The following CDYL2 variants were observed in gnomAD, a reference collection of about 807,000 sequenced individuals.
CDYL2 encodes chromodomain Y like 2.
A neutral mutation model predicts 49.4 loss-of-function variants in CDYL2; 23 were observed. The ratio of observed to expected loss-of-function variants is 0.47; its 90% CI spans 0.34 to 0.66. The LOEUF (loss-of-function observed/expected upper bound fraction) is 0.66. Among genes scored for constraint, CDYL2 ranks in the 30% least tolerant of loss-of-function variants. The probability of loss-of-function intolerance (pLI) is 0.01; values close to 1 mark genes in which losing one functional copy is unlikely to be tolerated. For missense variants in CDYL2, 678 were observed against 656.4 expected (o/e 1.03, Z -0.36); for synonymous variants, 360 against 268.8 (o/e 1.34, Z -3.32).
chr16:80,790,185 A>G (rs1907565374), intron 1 of CDYL2, among the ~76,000 whole-genome samples: 1 of 152,236 alleles, frequency 6.6e-6, no homozygotes, highest in South Asian at 2.1e-4. Context: ...GGTTACTCCA[A>G]GAGATTACAC....
At chr16:80,619,059 C>T (rs142214219) in intron 4 of CDYL2, among the ~76,000 whole-genome samples, 2,467 of 152,248 alleles carry the variant, frequency 0.016, 25 homozygotes, top group Non-Finnish European at 0.023. Flanking sequence ...TGTCAGGCCT[C>T]GCTCCCAGTT....
intron 1 of CDYL2, among the ~76,000 whole-genome samples, chr16:80,785,010 A>G (rs1907388980): frequency 6.6e-6 from 1 of 152,182 alleles, no homozygotes; most frequent in Admixed American, 6.5e-5. Flanking sequence ...TACACAGGGA[A>G]GAAAACGGGG....
At position 80,705,356 on chromosome 16, in the gene CDYL2, G is replaced by A. The variant is rs192829694; in HGVS notation, c.25-20227C>T. Among the ~76,000 whole-genome samples, 110 of 152,352 alleles carry A rather than the reference G, an allele frequency of 7.2e-4. 2 individuals are homozygous for A. In the Middle Eastern group the frequency reaches 0.034, roughly 47 times the overall value. On this transcript the variant is annotated intron_variant, in intron 1 of 6. Coordinates refer to ENST00000570137, the MANE Select transcript of CDYL2 (RefSeq NM_152342.4). Reference sequence around the variant, plus strand: ...AGGCCACTTTTGAAGAACTATGAGCGATGCTAGAGTCCTAATGTCATCCAG... The same window carrying A: ...AGGCCACTTTTGAAGAACTATGAGCAATGCTAGAGTCCTAATGTCATCCAG...
rs752769233 is a variant in CDYL2, at chr16:80,620,840, G to A, written c.930C>T (p.Gly310=). ...LSAVGSVFCS[G]LDYSYLIGRL... is the part of the protein sequence containing the mutation. ...GGCCAATTAGGTAGGAATAATCCAG[G>A]CCGCTGCAGAACACGCTCCCCACTG... Residue 310 remains glycine (G), a synonymous_variant, in exon 4 of 7, where the codon GGC becomes GGT. Coordinates refer to ENST00000570137, the MANE Select transcript of CDYL2 (RefSeq NM_152342.4). The A allele has an allele frequency of 1.2e-6, 2 of 1,613,666 alleles. No homozygotes were observed. The highest frequency in any genetic ancestry group is 1.3e-5 in the African/African-American group (1 of 75,050).
intron 4 of CDYL2, among the ~76,000 whole-genome samples, chr16:80,619,204 C>G (rs1207810134): frequency 6.6e-6 from 1 of 152,176 alleles, no homozygotes; most frequent in Non-Finnish European, 1.5e-5. Context: ...CGTCTGGAGC[C>G]CACACTCCAA....
At chr16:80,666,921 AC>A (rs1450418967) in intron 2 of CDYL2, among the ~76,000 whole-genome samples, 17 of 152,324 alleles carry the variant, frequency 1.1e-4, no homozygotes, top group Middle Eastern at 3.4e-3. Context: ...ACAGCTGTGA[AC>A]AAAAATGGAG....
chr16:80,759,608 T>TGTTTGCTA (rs977741486), intron 1 of CDYL2, among the ~76,000 whole-genome samples: 13 of 152,338 alleles, frequency 8.5e-5, no homozygotes, highest in Middle Eastern at 6.8e-3. Flanking sequence ...TTTGGGTTAG[T>TGTTTGCTA]GTTTGCTACT....
At chr16:80,720,139 G>A (rs899813860) in intron 1 of CDYL2, among the ~76,000 whole-genome samples, 13 of 151,988 alleles carry the variant, frequency 8.6e-5, no homozygotes, top group Middle Eastern at 3.2e-3. Flanking sequence ...GCCATCTCTC[G>A]GGCCCTGAAA....
chr16:80,760,124 A>C (rs138144126), intron 1 of CDYL2, among the ~76,000 whole-genome samples: 5 of 152,364 alleles, frequency 3.3e-5, no homozygotes, highest in African/African-American at 1.2e-4. Context: ...CCCTTAGACT[A>C]GCAGGCTGCT....
At chr16:80,647,707 C>T (rs1038885902) in intron 2 of CDYL2, among the ~76,000 whole-genome samples, 27 of 152,124 alleles carry the variant, frequency 1.8e-4, no homozygotes, top group African/African-American at 6.3e-4. Context: ...ATTTACAAAA[C>T]ATTTAATCCA....
chr16:80,712,339 C>G (rs1442285365), intron 1 of CDYL2, among the ~76,000 whole-genome samples: 1 of 151,688 alleles, frequency 6.6e-6, no homozygotes, highest in African/African-American at 2.4e-5. Context: ...GCATAAGACC[C>G]CCAGTGCAAA....
At chr16:80,795,501 A>G (rs938246941) in intron 1 of CDYL2, among the ~76,000 whole-genome samples, 1 of 152,204 alleles carries the variant, frequency 6.6e-6, no homozygotes, top group South Asian at 2.1e-4. Context: ...CTTTGGAGGT[A>G]GCAGCTTCTA....
At chr16:80,726,952 G>A (rs1905182215) in intron 1 of CDYL2, among the ~76,000 whole-genome samples, 1 of 152,170 alleles carries the variant, frequency 6.6e-6, no homozygotes, top group African/African-American at 2.4e-5. Flanking sequence ...TAGGCATGCT[G>A]GTATGTGCCT....
intron 1 of CDYL2, among the ~76,000 whole-genome samples, chr16:80,722,317 C>T (rs1905024350): frequency 6.6e-6 from 1 of 152,136 alleles, no homozygotes; most frequent in African/African-American, 2.4e-5. Context: ...TGTGAAAGCT[C>T]ACTAGGTGAT....
At chr16:80,765,748 AAAAG>A (rs1906698789) in intron 1 of CDYL2, among the ~76,000 whole-genome samples, 2 of 149,756 alleles carry the variant, frequency 1.3e-5, no homozygotes, top group Non-Finnish European at 3.0e-5. Flanking sequence ...AAAAAAAAAA[AAAAG>A]GGAATGGGGG....
chr16:80,682,610 T>A (rs1597170554), intron 2 of CDYL2, among the ~76,000 whole-genome samples: 1 of 152,180 alleles, frequency 6.6e-6, no homozygotes, highest in Non-Finnish European at 1.5e-5. Context: ...CCCTCATGCT[T>A]TACTCTTGGG....
At chr16:80,692,981 T>C (rs1028572633) in intron 1 of CDYL2, among the ~76,000 whole-genome samples, 8 of 152,116 alleles carry the variant, frequency 5.3e-5, no homozygotes, top group Non-Finnish European at 1.5e-5. Context: ...GAAGTACCAC[T>C]CAATAATAAA....
intron 3 of CDYL2, among the ~76,000 whole-genome samples, chr16:80,625,946 T>C (rs899856523): frequency 3.3e-5 from 5 of 152,142 alleles, no homozygotes; most frequent in Admixed American, 2.0e-4. Context: ...AAAAGGAATG[T>C]ACTTCAAGAA....
At chr16:80,769,870 C>T (rs552777216) in intron 1 of CDYL2, among the ~76,000 whole-genome samples, 2 of 152,256 alleles carry the variant, frequency 1.3e-5, no homozygotes, top group African/African-American at 4.8e-5. Flanking sequence ...CTACACAACA[C>T]GTATTCTTAA....
Sources: allele counts gnomAD v4.1 joint callset (sites outside exome capture counted in the v4.1 genomes callset), GRCh38; gene constraint gnomAD v4.1.1; transcripts MANE v1.5; gene names NCBI Gene and HGNC (gene_info 2026-07-23, HGNC 2026-07-21).